Variants in HSPA12A observed in about 807,000 individuals in gnomAD.
The protein encoded by HSPA12A is heat shock protein family A (Hsp70) member 12A, also known as heat shock 70 kDa protein 12A.
HSPA12A carries 28 observed loss-of-function variants against 69.2 expected under a neutral mutation model. The ratio of observed to expected loss-of-function variants is 0.40; its 90% confidence interval spans 0.30 to 0.55. The LOEUF (loss-of-function observed/expected upper bound fraction) is 0.55. Ranked by LOEUF, HSPA12A falls within the 20% of genes least tolerant of loss-of-function variation. The pLI is 0.38. For synonymous variants in HSPA12A, 345 were observed against 370.5 expected, an observed-to-expected ratio of 0.93 and a Z score of 0.79; for missense variants, 686 against 900.7, an observed-to-expected ratio of 0.76 and a Z score of 3.05.
rs1564799184 is a variant in HSPA12A, at chr10:116,730,191, A to AATG, written c.40+12236_40+12238dup. Among the ~76,000 whole-genome samples the AATG allele has an allele frequency of 5.3e-5, 8 of 152,282 alleles. No individual in the cohort carries two copies. The South Asian group carries it at 1.7e-3, about 32-fold the overall frequency. ...AAGCGAGACTCCATCTCAAAATAATAATGATGATGATGATGCCTAACATTG... is the reference window on the plus strand; with the variant it reads ...AAGCGAGACTCCATCTCAAAATAATAATGATGATGATGATGATGCCTAACATTG... On this transcript the variant is annotated intron_variant, in intron 1 of 11. Transcript: ENST00000369209.
chr10:116,711,247 C>T (rs72825693), intron 1 of HSPA12A, among the ~76,000 whole-genome samples: 2,005 of 152,286 alleles, frequency 0.013, 18 homozygotes, highest in Non-Finnish European at 0.023. Context: ...CTCGGGACTA[C>T]TCTCACCCAG....
chr10:116,833,373 G>A (rs1169833063), intron 2 of HSPA12A: 1 of 152,212 alleles, frequency 6.6e-6, no homozygotes. Context: ...GCCTGGGGGA[G>A]CTGAGAATTA....
intron 2 of HSPA12A, among the ~76,000 whole-genome samples, chr10:116,793,918 G>A (rs1466467569): frequency 6.6e-6 from 1 of 151,906 alleles, no homozygotes; most frequent in Non-Finnish European, 1.5e-5. Flanking sequence ...AAGGGACCAG[G>A]CCGGGCACGG....
At position 116,696,024 on chromosome 10, in the gene HSPA12A, G is replaced by T. The variant is rs969689072; in HGVS notation, c.546+2611C>A. ...TCTCAAAAAAAAAAAAAAAAAAAAA[G>T]GCTTGCAGGTTTCAGGAGTGCGTGG... On this transcript the variant is annotated intron_variant, in intron 5 of 11. Coordinates refer to ENST00000369209, the MANE Select transcript of HSPA12A (RefSeq NM_025015.3). Among the ~76,000 whole-genome samples, 32 of 61,614 alleles carry T rather than the reference G, an allele frequency of 5.2e-4. 1 individual carries two copies. Among genetic ancestry groups the T allele is most frequent in the African/African-American group, 7.1e-4 (10 of 14,108 alleles). The allele number at this position is 61,614 out of a possible 152,430, so 40.4% of individuals were successfully genotyped here.
In HSPA12A at chr10:116,678,990, C is replaced by CT. The variant is rs1246309971; in HGVS notation, c.1286+512dup. Reference sequence around the variant, plus strand: ...AATATTAGAAATCTATTATTTTTATCTTTTTTTTTAAATTCGGCTTTAAAC... The same window carrying CT: ...AATATTAGAAATCTATTATTTTTATCTTTTTTTTTTAAATTCGGCTTTAAAC... On this transcript the variant is annotated intron_variant, in intron 10 of 11. Coordinates refer to ENST00000369209, the MANE Select transcript of HSPA12A (RefSeq NM_025015.3). 9.9e-5 allele frequency among the ~76,000 whole-genome samples: 15 copies of CT among 151,386 alleles called. No individual in the cohort carries two copies. The East Asian group carries it at 2.5e-3, about 25-fold the overall frequency.
At chr10:116,696,915 C>G (rs1849923083) in intron 5 of HSPA12A, among the ~76,000 whole-genome samples, 1 of 152,140 alleles carries the variant, frequency 6.6e-6, no homozygotes, top group Admixed American at 6.5e-5. Flanking sequence ...ACACCCCACC[C>G]TGCCCCGAAT....
intron 1 of HSPA12A, among the ~76,000 whole-genome samples, chr10:116,841,513 ATTCAATCTAT>A (rs1845799843): frequency 6.6e-6 from 1 of 152,208 alleles, no homozygotes; most frequent in South Asian, 2.1e-4. Context: ...ATTCAACCCA[ATTCAATCTAT>A]TTTTTAACAT....
intron 2 of HSPA12A, among the ~76,000 whole-genome samples, chr10:116,810,097 C>A (rs1488071770): frequency 6.6e-6 from 1 of 152,192 alleles, no homozygotes; most frequent in Non-Finnish European, 1.5e-5. Context: ...GTGAAGGCAG[C>A]GCTCCAAGCC....
chr10:116,731,023 T>C (rs1406497598), intron 1 of HSPA12A, among the ~76,000 whole-genome samples: 1 of 152,212 alleles, frequency 6.6e-6, no homozygotes, highest in Non-Finnish European at 1.5e-5. Context: ...GCGCAGCCCG[T>C]TCCCATGGTC....
upstream of HSPA12A, among the ~76,000 whole-genome samples, chr10:116,747,068 G>A (rs1554887878): frequency 1.3e-5 from 2 of 152,246 alleles, no homozygotes. Context: ...AACTGTCAGT[G>A]CATTTTAAAA....
chr10:116,837,297 T>G (rs1044654917), intron 1 of HSPA12A, among the ~76,000 whole-genome samples: 1 of 152,154 alleles, frequency 6.6e-6, no homozygotes, highest in Non-Finnish European at 1.5e-5. Flanking sequence ...AAAGAAACCT[T>G]TTTCAATTCA....
intron 2 of HSPA12A, among the ~76,000 whole-genome samples, chr10:116,834,688 G>A (rs1186189532): frequency 1.3e-5 from 2 of 152,150 alleles, no homozygotes; most frequent in Non-Finnish European, 2.9e-5. Flanking sequence ...TCTAGGCTTT[G>A]GATAGGTGGG....
chr10:116,753,192 C>T (rs1328283101), intron 2 of HSPA12A, among the ~76,000 whole-genome samples: 6 of 152,220 alleles, frequency 3.9e-5, no homozygotes, highest in Non-Finnish European at 7.3e-5. Context: ...GGCACAAATT[C>T]CATGATCCTG....
intron 1 of HSPA12A, among the ~76,000 whole-genome samples, chr10:116,737,245 C>A (rs1851344739): frequency 6.6e-6 from 1 of 152,198 alleles, no homozygotes. Flanking sequence ...ATCAACCTAA[C>A]AATGATAATA....
intron 1 of HSPA12A, among the ~76,000 whole-genome samples, chr10:116,734,384 A>T (rs1851247369): frequency 6.8e-6 from 1 of 147,286 alleles, no homozygotes; most frequent in Non-Finnish European, 1.5e-5. Context: ...CAGGTGGTGG[A>T]GGCTGCAGTG....
intron 2 of HSPA12A, among the ~76,000 whole-genome samples, chr10:116,766,121 T>C (rs1385635027): frequency 2.6e-5 from 4 of 152,190 alleles, no homozygotes; most frequent in Non-Finnish European, 5.9e-5. Context: ...TCCTCCCTTG[T>C]CCACCTTCAG....
intron 2 of HSPA12A, among the ~76,000 whole-genome samples, chr10:116,765,800 T>C (rs1844064775): frequency 6.6e-6 from 1 of 152,184 alleles, no homozygotes; most frequent in Non-Finnish European, 1.5e-5. Context: ...TCTCAGTTCT[T>C]CACCCAGTGT....
intron 1 of HSPA12A, among the ~76,000 whole-genome samples, chr10:116,741,166 C>T (rs539525933): frequency 1.3e-5 from 2 of 152,102 alleles, no homozygotes; most frequent in Admixed American, 6.5e-5. Flanking sequence ...CCACCCTGCA[C>T]TCCCCCACCA....
At chr10:116,814,510 T>C (rs1353161575) in intron 2 of HSPA12A, among the ~76,000 whole-genome samples, 3 of 152,200 alleles carry the variant, frequency 2.0e-5, no homozygotes, top group Non-Finnish European at 1.5e-5. Context: ...GACTTTGCAC[T>C]CAACTCCAGC....
Sources: gnomAD v4.1 joint callset for allele counts (sites outside exome capture counted in the v4.1 genomes callset) on GRCh38, gnomAD v4.1.1 for gene constraint, MANE v1.5 for transcripts, NCBI Gene and HGNC (gene_info 2026-07-23, HGNC 2026-07-21) for gene names.